The following TBC1D10B variants were observed in gnomAD, a reference collection of about 807,000 sequenced individuals.
TBC1D10B encodes the protein TBC1 domain family member 10B, also known as Rab27A-GAPbeta.
In TBC1D10B, 25 loss-of-function variants were observed where a neutral mutation model predicts 78.4. That is an observed-to-expected ratio of 0.32 (90% CI 0.23 to 0.45). The LOEUF (loss-of-function observed/expected upper bound fraction) is 0.45, where lower values mean the gene tolerates loss of function less well. Ranked by LOEUF, TBC1D10B falls within the 20% of genes least tolerant of loss-of-function variation. The pLI, the probability that TBC1D10B is intolerant of heterozygous loss-of-function variation, is 1.00. For missense variants in TBC1D10B, 996 were observed against 1,104.8 expected (o/e 0.90, Z 1.40); for synonymous variants, 517 against 478.0 (o/e 1.08, Z -1.06).
At position 30,363,974 on chromosome 16, in the gene TBC1D10B, G is replaced by A. The variant is rs11864994; in HGVS notation, c.1271+926C>T. On this transcript the variant is annotated intron_variant, in intron 4 of 8. Transcript: ENST00000409939. Reference sequence around the variant, plus strand: ...TCTACTAAAAATACAAAAATTAGCCGGGTGTGGTGGCGCGCACCTGTAATG... The same window carrying A: ...TCTACTAAAAATACAAAAATTAGCCAGGTGTGGTGGCGCGCACCTGTAATG... Among the ~76,000 whole-genome samples, 314 of 152,102 alleles carry A rather than the reference G, an allele frequency of 2.1e-3. 3 individuals are homozygous for A. Among genetic ancestry groups the A allele is most frequent in the African/African-American group, 7.2e-3 (300 of 41,486 alleles).
intron 4 of TBC1D10B, among the ~76,000 whole-genome samples, chr16:30,360,606 G>C (rs2049592657): frequency 6.6e-6 from 1 of 152,158 alleles, no homozygotes; most frequent in Admixed American, 6.5e-5. Context: ...GCATTCAAGT[G>C]TGATCTTCAT....
At chr16:30,359,462 G>A in intron 6 of TBC1D10B, 76 bp downstream of exon 6, 2 of 1,548,164 alleles carry the variant, frequency 1.3e-6, no homozygotes. Context: ...AGGCCAGGGT[G>A]GGGCAAGGCA....
At position 30,358,452 on chromosome 16, in the gene TBC1D10B, CG is replaced by C; in HGVS notation, c.1918del (p.Arg640GlyfsTer271). On this transcript the variant is annotated frameshift_variant, in exon 9 of 9. Transcript: ENST00000409939. LOFTEE classifies it high-confidence loss of function. ...CCGCCGGCGCTCCTCGTGGATGGCC[CG>C]GGACCCATGCAGTCGCCGTGAGGGC... ...YRPSRRLHGSRAIHEERRRQQ... is the reference protein window; with the variant it reads ...YRPSRRLHGSXAIHEERRRQQ... 6.3e-7 allele frequency: 1 copy of C among 1,590,960 alleles called. No individual in the cohort carries two copies. The highest frequency in any genetic ancestry group is 1.8e-5 in the Admixed American group (1 of 56,620).
intron 1 of TBC1D10B, chr16:30,367,799 C>T (rs1480323951): frequency 6.6e-6 from 1 of 152,200 alleles, no homozygotes; most frequent in East Asian, 1.9e-4. Context: ...AGCCACTGAA[C>T]GCTGCGAAAG....
At position 30,370,240 on chromosome 16, in the gene TBC1D10B, C is replaced by A. The variant is rs1203248153; in HGVS notation, c.-57G>T. On this transcript the variant is annotated 5_prime_UTR_variant, in exon 1 of 9. In the 5' UTR this introduces an upstream ATG that the reference lacks. Transcript: ENST00000409939. ...GGGGAGGCCGCAGAAGGCGCCGCCC[C>A]TCGGGCCTCCCGGCGAGGCCAGCCG... The A allele has an allele frequency of 2.1e-6, 2 of 953,534 alleles. No homozygotes were observed. Among genetic ancestry groups the A allele is most frequent in the East Asian group, 1.0e-4 (2 of 19,090 alleles). 59.1% of individuals were successfully genotyped at this position (953,534 alleles called of 1,614,324 possible). A position where few individuals can be genotyped will look rare whatever the true frequency, so the allele number is the denominator to read the frequency against.
At position 30,358,875 on chromosome 16, in the gene TBC1D10B, C is replaced by A; in HGVS notation, c.1643-58G>T. 1.3e-6 allele frequency: 2 copies of A among 1,539,388 alleles called. 1 individual carries two copies. Among genetic ancestry groups the A allele is most frequent in the South Asian group, 2.4e-5 (2 of 82,024 alleles). ...GTCAGACCCAAGATCTCAGCCTGTCCTGATCAGGATAGACTCACAGCCCCC... is the reference window on the plus strand; with the variant it reads ...GTCAGACCCAAGATCTCAGCCTGTCATGATCAGGATAGACTCACAGCCCCC... On this transcript the variant is annotated intron_variant, in intron 7 of 8. Transcript: ENST00000409939.
Position 30,357,827 on chromosome 16 carries a change from G to C in TBC1D10B, c.*117C>G. ...AGCTGGCGAGGAGATGGGGAACCAA[G>C]CCACTTTCCCCAGCAAGGGACAGCC... On this transcript the variant is annotated 3_prime_UTR_variant, in exon 9 of 9. Coordinates refer to ENST00000409939, the MANE Select transcript of TBC1D10B (RefSeq NM_015527.4). 7.2e-7 allele frequency: 1 copy of C among 1,390,338 alleles called. No individual in the cohort carries two copies. The highest frequency in any genetic ancestry group is 9.5e-7 in the Non-Finnish European group (1 of 1,054,818). 86.1% of individuals were successfully genotyped at this position (1,390,338 alleles called of 1,614,324 possible). A position where few individuals can be genotyped will look rare whatever the true frequency, so the allele number is the denominator to read the frequency against.
At position 30,370,190 on chromosome 16, in the gene TBC1D10B, G is replaced by T; in HGVS notation, c.-7C>A. ...GCGCCGTGCCCGTCTCCATGGCCGCGGGCCGCCCCTCACATCCCCCCGCCG... is the reference window on the plus strand; with the variant it reads ...GCGCCGTGCCCGTCTCCATGGCCGCTGGCCGCCCCTCACATCCCCCCGCCG... On this transcript the variant is annotated 5_prime_UTR_variant, in exon 1 of 9. Coordinates refer to ENST00000409939, the MANE Select transcript of TBC1D10B (RefSeq NM_015527.4). The T allele has an allele frequency of 2.6e-6, 3 of 1,155,422 alleles. No homozygotes were observed. The highest frequency in any genetic ancestry group is 1.6e-5 in the African/African-American group (1 of 61,586). 71.6% of individuals were successfully genotyped at this position (1,155,422 alleles called of 1,614,324 possible).
intron 1 of TBC1D10B, chr16:30,366,322 T>A (rs1398323818): frequency 6.6e-6 from 1 of 152,074 alleles, no homozygotes. Context: ...CTGGACAACA[T>A]GGTAAAACCC....
chr16:30,368,968 CA>C (rs2049660036), intron 1 of TBC1D10B, among the ~76,000 whole-genome samples: 1 of 152,194 alleles, frequency 6.6e-6, no homozygotes, highest in Admixed American at 6.5e-5. Flanking sequence ...ATGGGGAAGC[CA>C]CTAGCTCAAG....
chr16:30,367,406 G>A (rs1350646684), intron 1 of TBC1D10B: 2 of 152,170 alleles, frequency 1.3e-5, no homozygotes, highest in Non-Finnish European at 1.5e-5. Context: ...TCTACCAAGG[G>A]CTGGGAAGAG....
Position 30,357,713 on chromosome 16 carries a change from GAC to G in TBC1D10B, c.*229_*230del. On this transcript the variant is annotated 3_prime_UTR_variant, in exon 9 of 9. Coordinates refer to ENST00000409939, the MANE Select transcript of TBC1D10B (RefSeq NM_015527.4). ...ACCCAGAGGGAACTGGGGCAGGAGC[GAC>G]AGAGACCCCAGCTGAGCCTCATGGG... 1 of 640,588 alleles carries G rather than the reference GAC, an allele frequency of 1.6e-6. No individual in the cohort carries two copies. Among genetic ancestry groups the G allele is most frequent in the Non-Finnish European group, 2.6e-6 (1 of 378,744 alleles). 39.7% of individuals were successfully genotyped at this position (640,588 alleles called of 1,614,324 possible). A position where few individuals can be genotyped will look rare whatever the true frequency, so the allele number is the denominator to read the frequency against.
intron 4 of TBC1D10B, among the ~76,000 whole-genome samples, chr16:30,362,993 C>A (rs974334063): frequency 6.6e-6 from 1 of 152,254 alleles, no homozygotes; most frequent in African/African-American, 2.4e-5. Flanking sequence ...CCCGAGGTGG[C>A]GCCACTGCAT....
At position 30,369,393 on chromosome 16, in the gene TBC1D10B, G is replaced by C. The variant is rs1186925764; in HGVS notation, c.791C>G (p.Pro264Arg). ...GGAGTCCAAGTAACTCAGCGTGTCC[G>C]GGGCCTGCCCTCGAGGCCCAGAGAT... ...PGISGPRGQA[P>R]DTLSYLDSVS... Residue 264 changes from proline to arginine, a missense_variant, in exon 1 of 9, where the codon CCG (proline) becomes CGG (arginine). Pro to Arg is a moderately radical substitution (Grantham distance 103). This residue lies in a region of TBC1D10B where 448 missense variants were observed against 442.1 expected (regional missense o/e 1.01). Transcript: ENST00000409939. The surrounding 1 kb of genome is among the most constrained non-coding windows in gnomAD (Gnocchi z 4.3). The C allele has an allele frequency of 6.3e-7, 1 of 1,587,820 alleles. No individual in the cohort carries two copies. Among genetic ancestry groups the C allele is most frequent in the South Asian group, 1.1e-5 (1 of 87,336 alleles).
Position 30,358,338 on chromosome 16 carries a change from G to T in TBC1D10B, c.2033C>A (p.Ser678Tyr). The change falls in exon 9 of 9, where the codon TCC becomes TAC. Residue 678 changes from serine (S) to tyrosine (Y), a missense_variant. Around this residue, in one of 5 missense-constraint regions of TBC1D10B, gnomAD observed 285 missense variants for 252.5 expected, o/e 1.13. Transcript: ENST00000409939. ...RGSRAAGGAP[S>Y]PPPPVRRASA... ...GGCTCTGCGGACGGGGGGCGGCGGG[G>T]ACGGGGCCCCTCCAGCTGCCCGGGA... 6.4e-7 allele frequency: 1 copy of T among 1,561,576 alleles called. No individual in the cohort carries two copies. Among genetic ancestry groups the T allele is most frequent in the African/African-American group, 1.4e-5 (1 of 73,632 alleles).
rs1234270229 is a variant in TBC1D10B at position 30,367,563 on chromosome 16, G to A, written c.956+1665C>T. 3 of 152,274 alleles carry A rather than the reference G, an allele frequency of 2.0e-5. No homozygotes were observed. In the East Asian group the frequency reaches 5.8e-4, roughly 29 times the overall value. 9.4% of individuals were successfully genotyped at this position (152,274 alleles called of 1,614,324 possible). ...GGTATCAGGGAAGCTTCCTGGAGGA[G>A]GGGACATCTGAGGTAAGCCATGAAG... is the stretch of plus-strand genomic sequence containing the variant. On this transcript the variant is annotated intron_variant, in intron 1 of 8. Coordinates refer to ENST00000409939, the MANE Select transcript of TBC1D10B (RefSeq NM_015527.4).
In TBC1D10B at chr16:30,370,225, C is replaced by T; in HGVS notation, c.-42G>A. ...TCACATCCCCCCGCCGGGGAGGCCGCAGAAGGCGCCGCCCCTCGGGCCTCC... is the reference window on the plus strand; with the variant it reads ...TCACATCCCCCCGCCGGGGAGGCCGTAGAAGGCGCCGCCCCTCGGGCCTCC... On this transcript the variant is annotated 5_prime_UTR_variant, in exon 1 of 9. Transcript: ENST00000409939. The T allele has an allele frequency of 1.9e-6, 2 of 1,042,750 alleles. No homozygotes were observed. The highest frequency in any genetic ancestry group is 1.2e-6 in the Non-Finnish European group (1 of 842,750). 64.6% of individuals were successfully genotyped at this position (1,042,750 alleles called of 1,614,324 possible).
At position 30,358,434 on chromosome 16, in the gene TBC1D10B, C is replaced by T. The variant is rs370479228; in HGVS notation, c.1937G>A (p.Arg646His). 55 of 1,585,790 alleles carry T rather than the reference C, an allele frequency of 3.5e-5. No individual in the cohort carries two copies. The highest frequency in any genetic ancestry group is 3.2e-4 in the Admixed American group (18 of 55,922). The stretch of plus-strand genomic sequence containing the variant: ...GCCCAGGGGTGGCTGTTGCCGCCGG[C>T]GCTCCTCGTGGATGGCCCGGGACCC... ...LHGSRAIHEE[R>H]RRQQPPLGPS... The change falls in exon 9 of 9, where the codon CGC becomes CAC. Residue 646 changes from arginine (R) to histidine (H), a missense_variant. Arg to His is a conservative substitution (Grantham distance 29). This residue lies in a region of TBC1D10B where 285 missense variants were observed against 252.5 expected (regional missense o/e 1.13). Coordinates refer to ENST00000409939, the MANE Select transcript of TBC1D10B (RefSeq NM_015527.4).
At position 30,365,530 on chromosome 16, in the gene TBC1D10B, T is replaced by C. The variant is rs905786450; in HGVS notation, c.1021A>G (p.Asn341Asp). Reference sequence around the variant, plus strand: ...CGCCGTGACAGCCACTTATCCCAGTTACTGAACATGTCCAGCCATTTGAGC... The same window carrying C: ...CGCCGTGACAGCCACTTATCCCAGTCACTGAACATGTCCAGCCATTTGAGC... ...RELKWLDMFS[N>D]WDKWLSRRFQ... The change falls in exon 2 of 9, where the codon AAC (asparagine) becomes GAC (aspartate). Residue 341 changes from asparagine to aspartate, a missense_variant. Asn to Asp is a conservative substitution (Grantham distance 23). Transcript: ENST00000409939. This position sits in a 1 kb window ranked among gnomAD's most constrained non-coding sequence, Gnocchi z 5.0. 2.5e-6 allele frequency: 4 copies of C among 1,613,892 alleles called. No homozygotes were observed. In the African/African-American group the frequency reaches 5.3e-5, roughly 22 times the overall value.
Sources: gnomAD v4.1 joint callset for allele counts (sites outside exome capture counted in the v4.1 genomes callset) on GRCh38, gnomAD v4.1.1 for gene constraint, gnomAD v4.1.1 regional missense constraint, Gnocchi (gnomAD v3.1) non-coding constraint, MANE v1.5 for transcripts, NCBI Gene and HGNC (gene_info 2026-07-23, HGNC 2026-07-21) for gene names.